NRXN3: variants seen among roughly 807,000 people sequenced by gnomAD.
The protein encoded by NRXN3 is neurexin 3, also known as neurexin III.
NRXN3 carries 32 observed loss-of-function variants against 137.6 expected under a neutral mutation model. The observed-to-expected ratio is 0.23, with a 90% CI of 0.18 to 0.31. The LOEUF is 0.31. Ranked by LOEUF, NRXN3 falls within the 10% of genes least tolerant of loss-of-function variation. The pLI, the probability that NRXN3 is intolerant of heterozygous loss-of-function variation, is 1.00. For synonymous variants in NRXN3, 798 were observed against 784.5 expected (o/e 1.02, Z -0.29); for missense variants, 1,574 against 2,062.5 (o/e 0.76, Z 4.59).
chr14:78,419,957 G>GCGCACACACA (rs1371938439), intron 4 of NRXN3, among the ~76,000 whole-genome samples: 11 of 48,080 alleles, frequency 2.3e-4, no homozygotes, highest in African/African-American at 8.8e-4. Flanking sequence ...GCGCGCGCGC[G>GCGCACACACA]CACGCACACA....
At chr14:78,506,037 C>T (rs979644650) in intron 4 of NRXN3, among the ~76,000 whole-genome samples, 4 of 152,066 alleles carry the variant, frequency 2.6e-5, no homozygotes, top group African/African-American at 7.2e-5. Flanking sequence ...GTGCTCAATA[C>T]CATATTATTA....
intron 6 of NRXN3, 59 bp downstream of exon 6, chr14:78,651,385 G>T: frequency 6.5e-7 from 1 of 1,544,774 alleles, no homozygotes; most frequent in Non-Finnish European, 8.9e-7. Context: ...ATAAACAAAT[G>T]ACATGTCTAA....
intron 15 of NRXN3, among the ~76,000 whole-genome samples, chr14:78,989,636 T>C (rs919178380): frequency 3.3e-5 from 5 of 152,194 alleles, no homozygotes; most frequent in African/African-American, 1.2e-4. Flanking sequence ...AACAGGTAGT[T>C]ATAAACCCAG....
At chr14:78,516,919 G>A (rs2096216836) in intron 4 of NRXN3, among the ~76,000 whole-genome samples, 1 of 152,154 alleles carries the variant, frequency 6.6e-6, no homozygotes, top group African/African-American at 2.4e-5. Flanking sequence ...GGATTACATT[G>A]AGTAAGCAAT....
intron 1 of NRXN3, among the ~76,000 whole-genome samples, chr14:78,175,507 T>TGGGACCTGCTGTGGTCC (rs1566902702): frequency 7.9e-5 from 12 of 152,190 alleles, no homozygotes. Flanking sequence ...GGCTGTGGTC[T>TGGGACCTGCTGTGGTCC]GGGACCTGCT....
intron 1 of NRXN3, among the ~76,000 whole-genome samples, chr14:78,197,666 C>T (rs966559937): frequency 1.3e-5 from 2 of 152,194 alleles, no homozygotes; most frequent in African/African-American, 4.8e-5. Flanking sequence ...ATTCTTAGCT[C>T]CCCACATCTT....
intron 16 of NRXN3, chr14:79,632,387 C>T (rs149053029): frequency 1.3e-5 from 2 of 152,652 alleles, no homozygotes; most frequent in Non-Finnish European, 2.9e-5. Context: ...AAGACAACAT[C>T]ACACCTGAAA....
chr14:78,685,534 T>C (rs1222124360), intron 6 of NRXN3, among the ~76,000 whole-genome samples: 1 of 152,032 alleles, frequency 6.6e-6, no homozygotes, highest in Non-Finnish European at 1.5e-5. Flanking sequence ...CTCAAGACTT[T>C]TGTCCTTACT....
At chr14:78,184,257 C>T (rs577056740) in intron 1 of NRXN3, among the ~76,000 whole-genome samples, 3 of 152,302 alleles carry the variant, frequency 2.0e-5, no homozygotes, top group Non-Finnish European at 2.9e-5. Flanking sequence ...ATTGAGCGCC[C>T]GCTCGATGCC....
intron 15 of NRXN3, among the ~76,000 whole-genome samples, chr14:79,145,440 G>T (rs1323664202): frequency 2.0e-5 from 3 of 152,028 alleles, no homozygotes; most frequent in Non-Finnish European, 2.9e-5. Flanking sequence ...AGATAGTAAA[G>T]GTGCTATTTT....
Position 79,706,882 on chromosome 14 carries a change from G to C in NRXN3, c.4014+8945G>C, listed in dbSNP as rs2098782318. On this transcript the variant is annotated intron_variant, in intron 19 of 20. Coordinates refer to ENST00000335750, the MANE Select transcript of NRXN3 (RefSeq NM_001330195.2). ...CTCAACAAATAGTGTGGAGACCAGAGCTTGGCGCCTTTGCAGCCTCCATTT... is the reference window on the plus strand; with the variant it reads ...CTCAACAAATAGTGTGGAGACCAGACCTTGGCGCCTTTGCAGCCTCCATTT... Among the ~76,000 whole-genome samples, 3 of 152,234 alleles carry C rather than the reference G, an allele frequency of 2.0e-5. No individual in the cohort carries two copies. In the South Asian group the frequency reaches 6.2e-4, roughly 32 times the overall value.
chr14:78,573,275 A>G (rs2096906662), intron 4 of NRXN3, among the ~76,000 whole-genome samples: 1 of 152,196 alleles, frequency 6.6e-6, no homozygotes, highest in African/African-American at 2.4e-5. Flanking sequence ...CACAGAGAGT[A>G]GAGTTCTGCT....
Position 78,968,276 on chromosome 14 carries a change from G to A in NRXN3, c.3072G>A (p.Leu1024=), listed in dbSNP as rs941735566. 11 of 1,613,948 alleles carry A rather than the reference G, an allele frequency of 6.8e-6. No individual in the cohort carries two copies. The highest frequency in any genetic ancestry group is 1.3e-5 in the African/African-American group (1 of 74,882). Residue 1024 remains leucine (L), a synonymous_variant, in exon 14 of 21, where the codon TTG becomes TTA. Coordinates refer to ENST00000335750, the MANE Select transcript of NRXN3 (RefSeq NM_001330195.2). ...GFQGCLASVD[L]NGRLPDLIND... is the part of the protein sequence containing the mutation. ...AGGGCTGTCTAGCATCAGTGGACTT[G>A]AATGGACGCCTGCCAGACCTCATCA...
At chr14:78,219,311 T>C (rs575693321) in intron 1 of NRXN3, among the ~76,000 whole-genome samples, 1 of 152,306 alleles carries the variant, frequency 6.6e-6, no homozygotes, top group East Asian at 1.9e-4. Flanking sequence ...ATTGGAAAAT[T>C]AGACCTCTTA....
chr14:79,192,020 A>G (rs1386208586), intron 15 of NRXN3, among the ~76,000 whole-genome samples: 2 of 151,982 alleles, frequency 1.3e-5, no homozygotes, highest in African/African-American at 4.8e-5. Flanking sequence ...AAACTTGGGT[A>G]CTAAAGTCAA....
chr14:78,320,384 T>C (rs2079181753), intron 4 of NRXN3, among the ~76,000 whole-genome samples: 2 of 151,834 alleles, frequency 1.3e-5, no homozygotes, highest in South Asian at 4.2e-4. Context: ...AAGCGTGGAG[T>C]GGGCGTTAAT....
At chr14:78,785,842 G>T (rs2098787715) in intron 8 of NRXN3, among the ~76,000 whole-genome samples, 1 of 152,168 alleles carries the variant, frequency 6.6e-6, no homozygotes, top group Non-Finnish European at 1.5e-5. Context: ...AGACACAGTT[G>T]TTGGATACCT....
At chr14:78,727,666 C>G (rs961430579) in intron 8 of NRXN3, among the ~76,000 whole-genome samples, 1 of 152,066 alleles carries the variant, frequency 6.6e-6, no homozygotes, top group Non-Finnish European at 1.5e-5. Context: ...ACCCAGGAGG[C>G]AGAGGTTGTG....
intron 15 of NRXN3, among the ~76,000 whole-genome samples, chr14:79,211,935 A>C (rs1439541874): frequency 1.3e-5 from 2 of 152,168 alleles, no homozygotes; most frequent in Non-Finnish European, 2.9e-5. Flanking sequence ...GAATTAAAAC[A>C]CTTGAGGCTG....
Sources: gnomAD v4.1 joint callset for allele counts (sites outside exome capture counted in the v4.1 genomes callset) on GRCh38, gnomAD v4.1.1 for gene constraint, MANE v1.5 for transcripts, NCBI Gene and HGNC (gene_info 2026-07-23, HGNC 2026-07-21) for gene names.